The following EPRS1 variants were observed in gnomAD, a reference collection of about 807,000 sequenced individuals.
EPRS1 encodes bifunctional glutamate/proline--tRNA ligase.
EPRS1 carries 107 observed loss-of-function variants against 188.3 expected under a neutral mutation model. The ratio of observed to expected loss-of-function variants is 0.57; its 90% CI spans 0.49 to 0.67. The LOEUF (loss-of-function observed/expected upper bound fraction) is 0.67, where lower values mean the gene tolerates loss of function less well. Among genes scored for constraint, EPRS1 ranks in the 30% least tolerant of loss-of-function variants. The pLI is 0.00. For missense variants in EPRS1, 1,577 were observed against 1,802.2 expected, an observed-to-expected ratio of 0.88 and a Z score of 2.26; for synonymous variants, 596 against 593.1, an observed-to-expected ratio of 1.00 and a Z score of -0.07.
At chr1:220,028,214 T>C (rs916946921) in intron 6 of EPRS1, among the ~76,000 whole-genome samples, 7 of 152,202 alleles carry the variant, frequency 4.6e-5, no homozygotes, top group Non-Finnish European at 4.4e-5. Context: ...TAACATGTTA[T>C]AACCATTGTC....
chr1:220,024,963 G>C, intron 7 of EPRS1, 169 bp downstream of exon 7: 1 of 629,208 alleles, frequency 1.6e-6, no homozygotes, highest in Non-Finnish European at 2.8e-6. Flanking sequence ...TAAGTTTTTT[G>C]GTATGGGAGC....
intron 1 of EPRS1, among the ~76,000 whole-genome samples, chr1:220,044,641 C>G (rs1280528281): frequency 1.6e-5 from 2 of 123,910 alleles, no homozygotes; most frequent in Non-Finnish European, 3.2e-5. Flanking sequence ...ACAAGAATTG[C>G]TTGATCCTGG....
chr1:219,992,637 C>A (rs1661145513), intron 18 of EPRS1, among the ~76,000 whole-genome samples: 1 of 152,162 alleles, frequency 6.6e-6, no homozygotes, highest in Non-Finnish European at 1.5e-5. Context: ...AATAAAACTT[C>A]ATTTACAGGC....
intron 19 of EPRS1, 152 bp from the exon 20 acceptor site, chr1:219,987,556 G>T: frequency 1.6e-6 from 1 of 632,438 alleles, no homozygotes; most frequent in Non-Finnish European, 2.6e-6. Flanking sequence ...TTTGAGGGAG[G>T]CATATCTCAC....
In EPRS1 at chr1:219,996,968, C is replaced by G. The variant is rs769000044; in HGVS notation, c.2541+15G>C. 2 of 1,555,976 alleles carry G rather than the reference C, an allele frequency of 1.3e-6. No homozygotes were observed. Among genetic ancestry groups the G allele is most frequent in the East Asian group, 4.5e-5 (2 of 44,534 alleles). Reference sequence around the variant, plus strand: ...ACACTGAAAATGTGGTCTTGACTTTCTCTAACATACTGACCTTAGGGGATT... The same window carrying G: ...ACACTGAAAATGTGGTCTTGACTTTGTCTAACATACTGACCTTAGGGGATT... On this transcript the variant is annotated intron_variant, in intron 18 of 31. Transcript: ENST00000366923.
chr1:220,024,527 C>T (rs1486046046), intron 7 of EPRS1, 71 bp from the exon 8 acceptor site: 7 of 1,023,928 alleles, frequency 6.8e-6, no homozygotes, highest in Non-Finnish European at 1.0e-5. Flanking sequence ...ACCCTTGATA[C>T]TGCATTTAAG....
chr1:219,981,546 G>T (rs1407423016), intron 23 of EPRS1, 89 bp from the exon 24 acceptor site: 2 of 630,678 alleles, frequency 3.2e-6, no homozygotes, highest in East Asian at 2.8e-5. Context: ...ATAATTAATA[G>T]GAATTAAAAT....
intron 10 of EPRS1, 120 bp from the exon 11 acceptor site, chr1:220,019,199 G>T: frequency 1.4e-6 from 1 of 699,542 alleles, no homozygotes; most frequent in Non-Finnish European, 2.5e-6. Context: ...CTAAGAGCTA[G>T]TTATACTAAT....
chr1:219,973,037 C>A (rs1218169624), intron 29 of EPRS1, among the ~76,000 whole-genome samples: 1 of 152,064 alleles, frequency 6.6e-6, no homozygotes, highest in African/African-American at 2.4e-5. Flanking sequence ...TTGTTGCAAA[C>A]CTAGTAGGAA....
In EPRS1 at chr1:220,006,121, G is replaced by T; in HGVS notation, c.1935C>A (p.Val645=). 6.3e-7 allele frequency: 1 copy of T among 1,575,240 alleles called. No homozygotes were observed. Residue 645 remains valine, a synonymous_variant, in exon 15 of 32, where the codon GTC becomes GTA. Coordinates refer to ENST00000366923, the MANE Select transcript of EPRS1 (RefSeq NM_004446.3). ...GGAAGGTTACCTTACTGTTCTTGTT[G>T]ACATACTGCTTAAAGTCCTCGTCTT... ...LGKDEDFKQY[V]NKNSKHEELM...
Position 220,020,196 on chromosome 1 carries a change from A to C in EPRS1, c.1141T>G (p.Cys381Gly), listed in dbSNP as rs773450953. The C allele has an allele frequency of 1.9e-6, 3 of 1,612,668 alleles. No homozygotes were observed. The highest frequency in any genetic ancestry group is 2.5e-6 in the Non-Finnish European group (3 of 1,179,166). ...YNVYPTYDFA[C>G]PIVDSIEGVT... is the part of the protein sequence containing the mutation. ...CCTTCGATGCTGTCAACTATGGGGC[A>C]GGCAAAATCATATGTTGGATAAACA... The change falls in exon 10 of 32, where the codon TGC (cysteine) becomes GGC (glycine). Residue 381 changes from cysteine (C) to glycine (G), a missense_variant. Around this residue, in one of 3 missense-constraint regions of EPRS1, gnomAD observed 1,278 missense variants for 1,457.4 expected, o/e 0.88. Transcript: ENST00000366923.
Position 219,989,253 on chromosome 1 carries a change from G to A in EPRS1, c.2542-430C>T, listed in dbSNP as rs546984310. On this transcript the variant is annotated intron_variant, in intron 18 of 31. Coordinates refer to ENST00000366923, the MANE Select transcript of EPRS1 (RefSeq NM_004446.3). ...ACTTTGGGGAAAAAAAGGAAGTTTG[G>A]GTCCAACTAATGAATAGTTATATCA... 2.3e-4 allele frequency among the ~76,000 whole-genome samples: 35 copies of A among 151,624 alleles called. 1 individual carries two copies. The South Asian group carries it at 7.1e-3, about 31-fold the overall frequency.
At chr1:220,008,155 T>A (rs537101987) in intron 13 of EPRS1, among the ~76,000 whole-genome samples, 1 of 151,054 alleles carries the variant, frequency 6.6e-6, no homozygotes. Context: ...ATCTCACTGC[T>A]TCTGCAGCAA....
At chr1:219,999,187 GA>G (rs781363586) in intron 17 of EPRS1, among the ~76,000 whole-genome samples, 2 of 113,070 alleles carry the variant, frequency 1.8e-5, no homozygotes, top group Non-Finnish European at 4.0e-5. Context: ...CTCTATTGGA[GA>G]AAAATATCCT....
chr1:219,972,455 CTA>C (rs576114059), intron 29 of EPRS1, among the ~76,000 whole-genome samples: 171 of 152,190 alleles, frequency 1.1e-3, no homozygotes, highest in Non-Finnish European at 1.9e-3. Context: ...CTATGGGAGT[CTA>C]TGTTATTTTT....
At chr1:220,004,729 TAC>T (rs1169376115) in intron 16 of EPRS1, among the ~76,000 whole-genome samples, 1 of 151,884 alleles carries the variant, frequency 6.6e-6, no homozygotes, top group Non-Finnish European at 1.5e-5. Context: ...ACTACACAGT[TAC>T]AGAGATATCA....
chr1:219,994,841 A>G (rs1661200943), intron 18 of EPRS1, among the ~76,000 whole-genome samples: 2 of 151,888 alleles, frequency 1.3e-5, no homozygotes, highest in African/African-American at 2.4e-5. Flanking sequence ...TTTAGTAGAG[A>G]CAGGGTTTCA....
intron 16 of EPRS1, among the ~76,000 whole-genome samples, chr1:220,002,166 T>C (rs1027126048): frequency 6.6e-6 from 1 of 151,310 alleles, no homozygotes; most frequent in African/African-American, 2.4e-5. Flanking sequence ...CTGTCTCTAC[T>C]TAAAAAATAC....
Position 220,046,463 on chromosome 1 carries a change from G to T in EPRS1, c.-75C>A, listed in dbSNP as rs1279263104. 1 of 1,592,550 alleles carries T rather than the reference G, an allele frequency of 6.3e-7. No individual in the cohort carries two copies. The highest frequency in any genetic ancestry group is 8.5e-7 in the Non-Finnish European group (1 of 1,171,074). ...ACTACGGAGGACCCCGCGAAAGGAA[G>T]AAGATGCAACGTGTGCGCGTACCCG... On this transcript the variant is annotated 5_prime_UTR_variant, in exon 1 of 32. Transcript: ENST00000366923.
Sources: gnomAD v4.1 joint callset for allele counts (sites outside exome capture counted in the v4.1 genomes callset) on GRCh38, gnomAD v4.1.1 for gene constraint, gnomAD v4.1.1 regional missense constraint, MANE v1.5 for transcripts, NCBI Gene and HGNC (gene_info 2026-07-23, HGNC 2026-07-21) for gene names.